CTNND2: variants seen among roughly 807,000 people sequenced by gnomAD.
CTNND2 encodes catenin delta 2, also known as catenin delta-2.
Under a neutral mutation model 144.4 loss-of-function variants are expected in CTNND2, and 22 were observed. The observed-to-expected ratio is 0.15, with a 90% CI of 0.11 to 0.22. The LOEUF is 0.22. Ranked by LOEUF, CTNND2 falls within the 10% of genes least tolerant of loss-of-function variation. The pLI, the probability that CTNND2 is intolerant of heterozygous loss-of-function variation, is 1.00. For missense variants in CTNND2, 1,353 were observed against 1,618.8 expected, an observed-to-expected ratio of 0.84 and a Z score of 2.82; for synonymous variants, 751 against 695.6, an observed-to-expected ratio of 1.08 and a Z score of -1.25.
At chr5:11,381,794 C>T (rs13172024) in intron 7 of CTNND2, among the ~76,000 whole-genome samples, 67,517 of 151,676 alleles carry the variant, frequency 0.45, 15,465 homozygotes, top group Non-Finnish European at 0.49. Context: ...GGTGAAACCC[C>T]GTCTCTACTA....
rs563777336 is a variant in CTNND2 at position 11,256,057 on chromosome 5, T to C, written c.1629-19234A>G. ...GCCTCCTCCCTGGCTATACTCCTTGTGCCTGTGTGCTCTTTGGTGCATGCC... is the reference window on the plus strand; with the variant it reads ...GCCTCCTCCCTGGCTATACTCCTTGCGCCTGTGTGCTCTTTGGTGCATGCC... On this transcript the variant is annotated intron_variant, in intron 9 of 21. Transcript: ENST00000304623. 4.6e-5 allele frequency among the ~76,000 whole-genome samples: 7 copies of C among 152,350 alleles called. No homozygotes were observed. The East Asian group carries it at 5.8e-4, about 13-fold the overall frequency.
intron 9 of CTNND2, among the ~76,000 whole-genome samples, chr5:11,241,466 G>T (rs1200226737): frequency 2.6e-5 from 4 of 152,204 alleles, no homozygotes; most frequent in Non-Finnish European, 2.9e-5. Flanking sequence ...AATTGGGTTG[G>T]AGTTGATTGT....
chr5:11,541,608 T>A (rs1182198281), intron 3 of CTNND2, among the ~76,000 whole-genome samples: 1 of 152,172 alleles, frequency 6.6e-6, no homozygotes, highest in Non-Finnish European at 1.5e-5. Flanking sequence ...GAACTTGCAT[T>A]TTTCTGTACA....
intron 2 of CTNND2, among the ~76,000 whole-genome samples, chr5:11,705,214 G>A (rs1467528085): frequency 6.6e-6 from 1 of 152,146 alleles, no homozygotes; most frequent in Non-Finnish European, 1.5e-5. Context: ...CAGCTTCTCT[G>A]CCCAAAGATG....
chr5:11,721,793 G>A lies in CTNND2; in HGVS notation c.174+10343C>T, dbSNP rs1417127690. Among the ~76,000 whole-genome samples the A allele has an allele frequency of 5.3e-5, 8 of 152,236 alleles. 1 individual carries two copies. Among genetic ancestry groups the A allele is most frequent in the Admixed American group, 4.6e-4 (7 of 15,282 alleles). ...CTGGTTTCTAAGAATGAGCATCTCA[G>A]AAGAACTAGGCAGGAGGTCTACTTC... On this transcript the variant is annotated intron_variant, in intron 2 of 21. Transcript: ENST00000304623.
chr5:11,273,470 C>A (rs139433573), intron 9 of CTNND2, among the ~76,000 whole-genome samples: 2,374 of 152,286 alleles, frequency 0.016, 36 homozygotes, highest in Non-Finnish European at 0.023. Flanking sequence ...TCTCTTCAGT[C>A]AAGGAAACTC....
chr5:11,885,371 G>A (rs1382836957), intron 1 of CTNND2, among the ~76,000 whole-genome samples: 1 of 152,050 alleles, frequency 6.6e-6, no homozygotes, highest in African/African-American at 2.4e-5. Context: ...CATGCAAATA[G>A]AAACCACAAA....
intron 8 of CTNND2, among the ~76,000 whole-genome samples, chr5:11,359,917 C>T (rs1440754610): frequency 2.0e-5 from 3 of 152,104 alleles, no homozygotes; most frequent in South Asian, 2.1e-4. Flanking sequence ...TGTCACCATC[C>T]ACAAGCCTGG....
chr5:11,412,981 C>T (rs1470690223), intron 3 of CTNND2, among the ~76,000 whole-genome samples: 6 of 152,102 alleles, frequency 3.9e-5, no homozygotes, highest in African/African-American at 1.4e-4. Flanking sequence ...GTTCTGAATA[C>T]ATTTACGGAG....
chr5:11,522,094 C>T (rs142170990), intron 3 of CTNND2, among the ~76,000 whole-genome samples: 74 of 152,312 alleles, frequency 4.9e-4, no homozygotes, highest in African/African-American at 1.6e-3. Context: ...TGTGGACACA[C>T]AGCGTGAGAA....
chr5:11,520,858 A>G (rs1772660876), intron 3 of CTNND2, among the ~76,000 whole-genome samples: 1 of 152,216 alleles, frequency 6.6e-6, no homozygotes, highest in South Asian at 2.1e-4. Context: ...AATAGACTTA[A>G]TATAGTCAGG....
Position 11,301,504 on chromosome 5 carries a change from C to T in CTNND2, c.1628+44868G>A, listed in dbSNP as rs114465524. Among the ~76,000 whole-genome samples the T allele has an allele frequency of 5.2e-3, 790 of 152,296 alleles. 9 individuals are homozygous for T. The highest frequency in any genetic ancestry group is 0.018 in the African/African-American group (754 of 41,560). ...GTTTTAGACTTAAGACGAACAACCA[C>T]ACATAGTGCGTTTTTGGAGAACTTC... On this transcript the variant is annotated intron_variant, in intron 9 of 21. Coordinates refer to ENST00000304623, the MANE Select transcript of CTNND2 (RefSeq NM_001332.4).
intron 2 of CTNND2, among the ~76,000 whole-genome samples, chr5:11,666,251 T>C (rs983204468): frequency 3.9e-5 from 6 of 152,106 alleles, no homozygotes; most frequent in African/African-American, 1.4e-4. Context: ...TCTCATAGGA[T>C]TGTCTAAGCT....
intron 10 of CTNND2, 37 bp from the exon 11 acceptor site, chr5:11,199,698 G>A (rs1737232719): frequency 2.6e-6 from 4 of 1,538,908 alleles, no homozygotes; most frequent in Admixed American, 3.3e-5. Context: ...GCTTTACAGT[G>A]TAAGGTTTCC....
intron 1 of CTNND2, among the ~76,000 whole-genome samples, chr5:11,853,994 A>C (rs1228950111): frequency 6.6e-6 from 1 of 152,220 alleles, no homozygotes; most frequent in Non-Finnish European, 1.5e-5. Flanking sequence ...GTCAGATCAC[A>C]TCACTTCTTG....
At chr5:11,529,350 T>TAAAACC (rs1773536995) in intron 3 of CTNND2, among the ~76,000 whole-genome samples, 1 of 152,248 alleles carries the variant, frequency 6.6e-6, no homozygotes, top group African/African-American at 2.4e-5. Flanking sequence ...AAATGCTTTA[T>TAAAACC]AAAACCAAAG....
intron 16 of CTNND2, among the ~76,000 whole-genome samples, chr5:11,034,759 CTTCTT>C (rs1259579451): frequency 6.7e-6 from 1 of 150,242 alleles, no homozygotes; most frequent in Non-Finnish European, 1.5e-5. Context: ...TGTTAGTTTT[CTTCTT>C]TTTTTTTTAA....
intron 2 of CTNND2, among the ~76,000 whole-genome samples, chr5:11,580,675 C>T (rs1423099152): frequency 6.6e-6 from 1 of 152,144 alleles, no homozygotes; most frequent in African/African-American, 2.4e-5. Flanking sequence ...AAGTTGACAA[C>T]AAAAGCAGTT....
chr5:11,301,263 C>T (rs1295720823), intron 9 of CTNND2, among the ~76,000 whole-genome samples: 11 of 152,038 alleles, frequency 7.2e-5, no homozygotes, highest in Non-Finnish European at 1.5e-4. Context: ...GTGAGTTGCC[C>T]GCCTCTGCCT....
Sources: gnomAD v4.1 joint callset for allele counts (sites outside exome capture counted in the v4.1 genomes callset) on GRCh38, gnomAD v4.1.1 for gene constraint, MANE v1.5 for transcripts, NCBI Gene and HGNC (gene_info 2026-07-23, HGNC 2026-07-21) for gene names.